The following LAMA5 variants were observed in gnomAD, a reference collection of about 807,000 sequenced individuals.
The protein encoded by LAMA5 is laminin subunit alpha-5.
LAMA5 carries 260 observed loss-of-function variants against 433.4 expected under a neutral mutation model. The ratio of observed to expected loss-of-function variants is 0.60; its 90% CI spans 0.54 to 0.66. LAMA5 has a LOEUF of 0.66. Among genes scored for constraint, LAMA5 ranks in the 30% least tolerant of loss-of-function variants. The pLI is 0.00. For synonymous variants in LAMA5, 2,620 were observed against 2,226.6 expected (o/e 1.18, Z -4.97); for missense variants, 5,378 against 5,258.5 (o/e 1.02, Z -0.70).
In LAMA5 at chr20:62,346,777, T is replaced by C. The variant is rs1338786243; in HGVS notation, c.1096A>G (p.Thr366Ala). 1.2e-6 allele frequency: 2 copies of C among 1,612,402 alleles called. No individual in the cohort carries two copies. Among genetic ancestry groups the C allele is most frequent in the Non-Finnish European group, 1.7e-6 (2 of 1,179,656 alleles). The change falls in exon 8 of 80, where the codon ACC becomes GCC. Residue 366 changes from threonine (T) to alanine (A), a missense_variant. Coordinates refer to ENST00000252999, the MANE Select transcript of LAMA5 (RefSeq NM_005560.6). The stretch of plus-strand genomic sequence containing the variant: ...ACCTCAGGGTCGTAGTAACAGTCGG[T>C]GGCATGGCCGTAGCAGTTACAGGCT... ...CQSCNCYGHA[T>A]DCYYDPEVDR...
chr20:62,339,944 T>C (rs1982322795), intron 11 of LAMA5, among the ~76,000 whole-genome samples: 1 of 152,122 alleles, frequency 6.6e-6, no homozygotes, highest in South Asian at 2.1e-4. Context: ...CCATAGCCTC[T>C]TGAAAGAGCG....
At position 62,310,972 on chromosome 20, in the gene LAMA5, T is replaced by A; in HGVS notation, c.10211A>T (p.Gln3404Leu). ...GAGCCGAGTCCCGAGGCCTTCCATC[T>A]GTGCAACGAAGTGGCCATTGCTCAG... is the stretch of plus-strand genomic sequence containing the variant. ...LFLSNGHFVA[Q>L]MEGLGTRLRA... The change falls in exon 74 of 80, where the codon CAG (glutamine) becomes CTG (leucine). Residue 3404 changes from glutamine to leucine, a missense_variant. Coordinates refer to ENST00000252999, the MANE Select transcript of LAMA5 (RefSeq NM_005560.6). 6.2e-7 allele frequency: 1 copy of A among 1,611,398 alleles called. No individual in the cohort carries two copies. The highest frequency in any genetic ancestry group is 8.5e-7 in the Non-Finnish European group (1 of 1,179,374).
At position 62,363,210 on chromosome 20, in the gene LAMA5, C is replaced by T. The variant is rs193299214; in HGVS notation, c.298-658G>A. On this transcript the variant is annotated intron_variant, in intron 1 of 79. Coordinates refer to ENST00000252999, the MANE Select transcript of LAMA5 (RefSeq NM_005560.6). Reference sequence around the variant, plus strand: ...CCAGAGAGACAGAATTAAGCTGTTCCGGAGGCCTGTGGGGACCGGCCCCAG... The same window carrying T: ...CCAGAGAGACAGAATTAAGCTGTTCTGGAGGCCTGTGGGGACCGGCCCCAG... Among the ~76,000 whole-genome samples, 6 of 152,298 alleles carry T rather than the reference C, an allele frequency of 3.9e-5. No individual in the cohort carries two copies. The East Asian group carries it at 7.7e-4, about 20-fold the overall frequency.
chr20:62,333,492 G>C lies in LAMA5; in HGVS notation c.3022-11C>G. 1 of 1,608,276 alleles carries C rather than the reference G, an allele frequency of 6.2e-7. No individual in the cohort carries two copies. The highest frequency in any genetic ancestry group is 8.5e-7 in the Non-Finnish European group (1 of 1,178,050). ...CAGAACCACGTAGTCCTGCAGGGTG[G>C]AGGTGGTGCTGAGAGTGGTGGGCCC... On this transcript the variant is annotated splice_polypyrimidine_tract_variant and intron_variant, in intron 24 of 79. Coordinates refer to ENST00000252999, the MANE Select transcript of LAMA5 (RefSeq NM_005560.6).
At position 62,319,822 on chromosome 20, in the gene LAMA5, C is replaced by T. The variant is rs572329276; in HGVS notation, c.6760-27G>A. 1.8e-5 allele frequency: 27 copies of T among 1,511,590 alleles called. No homozygotes were observed. In the East Asian group the frequency reaches 2.0e-4, roughly 11 times the overall value. 93.6% of individuals were successfully genotyped at this position (1,511,590 alleles called of 1,614,324 possible). Reference sequence around the variant, plus strand: ...TGTGGAGGAAGAGCCCACTAGCCCACGCTGCTGGTAGGCGAGGGTCGGGGT... The same window carrying T: ...TGTGGAGGAAGAGCCCACTAGCCCATGCTGCTGGTAGGCGAGGGTCGGGGT... On this transcript the variant is annotated intron_variant, in intron 50 of 79. Transcript: ENST00000252999.
rs143580785 is a variant in LAMA5 at position 62,328,324 on chromosome 20, G to A, written c.4569C>T (p.Val1523=). ...CTGAGCAGTTACACTCCTCACAGCCGACCAGGGGGTGGCAGCCAAAGGTCT... is the reference window on the plus strand; with the variant it reads ...CTGAGCAGTTACACTCCTCACAGCCAACCAGGGGGTGGCAGCCAAAGGTCT... ...QPQTFGCHPL[V]GCEECNCSGP... The change falls in exon 35 of 80, where the codon GTC becomes GTT. Residue 1523 remains valine, a synonymous_variant. Transcript: ENST00000252999. 443 of 1,603,846 alleles carry A rather than the reference G, an allele frequency of 2.8e-4. No homozygotes were observed. The highest frequency in any genetic ancestry group is 3.6e-4 in the Non-Finnish European group (422 of 1,176,056).
intron 2 of LAMA5, 176 bp from the exon 3 acceptor site, chr20:62,353,427 C>T (rs952302280): frequency 7.7e-5 from 41 of 533,950 alleles, no homozygotes; most frequent in African/African-American, 7.5e-4. Context: ...GGGGAGAGGG[C>T]TCCCCAGGGA....
intron 11 of LAMA5, among the ~76,000 whole-genome samples, chr20:62,339,039 A>AG (rs1982162927): frequency 6.6e-6 from 1 of 151,244 alleles, no homozygotes; most frequent in Non-Finnish European, 1.5e-5. Context: ...TCCGTCTCAA[A>AG]AAAAAAAAAA....
rs1986970284 is a variant in LAMA5 at position 62,316,710 on chromosome 20, C to T, written c.7717G>A (p.Glu2573Lys). 1 of 1,609,504 alleles carries T rather than the reference C, an allele frequency of 6.2e-7. No individual in the cohort carries two copies. The highest frequency in any genetic ancestry group is 1.1e-5 in the South Asian group (1 of 90,824). ...QQLLANSTAL[E>K]EAMLQEQQRL... ...TGCTGTTCCTGGAGCATGGCCTCTTCTAGTGCAGTGCTGTTGGCCAGGAGC... is the reference window on the plus strand; with the variant it reads ...TGCTGTTCCTGGAGCATGGCCTCTTTTAGTGCAGTGCTGTTGGCCAGGAGC... The change falls in exon 57 of 80, where the codon GAA (glutamate) becomes AAA (lysine). Residue 2573 changes from glutamate (E) to lysine (K), a missense_variant. By Grantham distance (56) the Glu-to-Lys change is moderately conservative. Coordinates refer to ENST00000252999, the MANE Select transcript of LAMA5 (RefSeq NM_005560.6).
chr20:62,318,336 G>GGGGA (rs1987263026), intron 53 of LAMA5, 118 bp downstream of exon 53: 3 of 471,838 alleles, frequency 6.4e-6, no homozygotes, highest in Non-Finnish European at 1.1e-5. Flanking sequence ...GGACGAGGGA[G>GGGGA]GGGAGGACGG....
rs761559131 is a variant in LAMA5 at position 62,312,612 on chromosome 20, C to T, written c.9227+20G>A. 1 of 1,602,018 alleles carries T rather than the reference C, an allele frequency of 6.2e-7. No homozygotes were observed. Among genetic ancestry groups the T allele is most frequent in the Non-Finnish European group, 8.5e-7 (1 of 1,176,282 alleles). The stretch of plus-strand genomic sequence containing the variant: ...CCCCAACAGCCTGGCCTCGGAGCCC[C>T]AGCTGCGCACAGTGCTTACCTCGGG... On this transcript the variant is annotated intron_variant, in intron 67 of 79. Coordinates refer to ENST00000252999, the MANE Select transcript of LAMA5 (RefSeq NM_005560.6).
intron 63 of LAMA5, 83 bp downstream of exon 63, chr20:62,313,566 A>G (rs1172724658): frequency 6.3e-7 from 1 of 1,576,976 alleles, no homozygotes; most frequent in African/African-American, 1.4e-5. Context: ...GCAAGATACC[A>G]AAAGAACCCG....
chr20:62,319,495 C>T (rs1987429550), intron 51 of LAMA5, among the ~76,000 whole-genome samples, 189 bp downstream of exon 51: 1 of 152,180 alleles, frequency 6.6e-6, no homozygotes, highest in African/African-American at 2.4e-5. Flanking sequence ...CCGGGGCCAC[C>T]TGTCTGGCCA....
intron 45 of LAMA5, 37 bp from the exon 46 acceptor site, chr20:62,322,795 C>T: frequency 6.7e-6 from 9 of 1,338,492 alleles, no homozygotes; most frequent in Non-Finnish European, 8.9e-6. Context: ...CCTGGGCCCT[C>T]TCACCCCCCC....
At chr20:62,353,003 A>T in intron 3 of LAMA5, 131 bp downstream of exon 3, 1 of 650,568 alleles carries the variant, frequency 1.5e-6, no homozygotes. Flanking sequence ...CTCGTCTGAC[A>T]GTCATGACCG....
intron 54 of LAMA5, 72 bp from the exon 55 acceptor site, chr20:62,317,571 T>G: frequency 6.6e-7 from 1 of 1,520,800 alleles, no homozygotes; most frequent in Non-Finnish European, 8.9e-7. Flanking sequence ...GGGCGGGCTC[T>G]GCACGCAAGT....
chr20:62,339,610 C>T (rs949345392), intron 11 of LAMA5, among the ~76,000 whole-genome samples: 14 of 54,266 alleles, frequency 2.6e-4, no homozygotes, highest in African/African-American at 4.1e-4. Flanking sequence ...GTTGTGAGCA[C>T]GCTTCAGTTT....
intron 1 of LAMA5, among the ~76,000 whole-genome samples, chr20:62,366,008 C>T (rs1986685660): frequency 6.6e-6 from 1 of 152,222 alleles, no homozygotes; most frequent in Non-Finnish European, 1.5e-5. Context: ...CTACTCGCCC[C>T]TGCCCCAGCC....
Position 62,309,951 on chromosome 20 carries a change from G to A in LAMA5, c.10828+37C>T, listed in dbSNP as rs751308376. The A allele has an allele frequency of 4.4e-6, 7 of 1,605,238 alleles. No homozygotes were observed. In the African/African-American group the frequency reaches 5.3e-5, roughly 12 times the overall value. ...TGGCTCCCGCTCTGCAGAAGGGTGG[G>A]GGTGGCAGAGTGCCCTGGCCACAGG... On this transcript the variant is annotated intron_variant, in intron 78 of 79. Coordinates refer to ENST00000252999, the MANE Select transcript of LAMA5 (RefSeq NM_005560.6).
Sources: allele counts gnomAD v4.1 joint callset (sites outside exome capture counted in the v4.1 genomes callset), GRCh38; gene constraint gnomAD v4.1.1; transcripts MANE v1.5; gene names NCBI Gene and HGNC (gene_info 2026-07-23, HGNC 2026-07-21).